POTEC: variants seen among roughly 807,000 people sequenced by gnomAD.
The protein encoded by POTEC is POTE ankyrin domain family member C, also known as ANKRD26-like family B member 2.
Under a neutral mutation model 62.0 loss-of-function variants are expected in POTEC, and 35 were observed. That is an observed-to-expected ratio of 0.56 (90% confidence interval 0.43 to 0.75). The LOEUF is 0.75. Among genes scored for constraint, POTEC ranks in the 30% least tolerant of loss-of-function variants. The pLI is 0.00. For synonymous variants in POTEC, 156 were observed against 221.5 expected (o/e 0.70, Z 2.62); for missense variants, 472 against 655.9 (o/e 0.72, Z 3.06).
intron 9 of POTEC, among the ~76,000 whole-genome samples, chr18:14,517,087 A>AT (rs961545162): frequency 4.7e-5 from 7 of 148,868 alleles, no homozygotes; most frequent in Non-Finnish European, 4.4e-5. Context: ...AGAAATATGT[A>AT]TTTTTTTAAA....
Position 14,530,471 on chromosome 18 carries a change from C to A in POTEC, c.1126+12G>T. 6.2e-7 allele frequency: 1 copy of A among 1,602,622 alleles called. No homozygotes were observed. The highest frequency in any genetic ancestry group is 8.5e-7 in the Non-Finnish European group (1 of 1,173,628). On this transcript the variant is annotated intron_variant, in intron 6 of 10. Transcript: ENST00000358970. ...CAACTGACCTAAAGTAATTCATTAT[C>A]ACAAGTCTTACCTGGATTGCTGTTT...
rs1598480254 is a variant in POTEC at position 14,530,426 on chromosome 18, G to A, written c.1126+57C>T. 5 of 1,598,486 alleles carry A rather than the reference G, an allele frequency of 3.1e-6. 1 individual carries two copies. The stretch of plus-strand genomic sequence containing the variant: ...ACTGTCTTCCACAAAACTGGTCCCT[G>A]CTGCCAAAAACATTGTGGACAACTG... On this transcript the variant is annotated intron_variant, in intron 6 of 10. Transcript: ENST00000358970.
In POTEC at chr18:14,542,487, C is replaced by T; in HGVS notation, c.521+139G>A. On this transcript the variant is annotated intron_variant, in intron 1 of 10. Coordinates refer to ENST00000358970, the MANE Select transcript of POTEC (RefSeq NM_001137671.2). ...GTTTATAAAGGGACCTGGGCCCTGA[C>T]CTCTCTGAGGTTTCCACACCCAGGG... The T allele has an allele frequency of 2.9e-6, 4 of 1,365,348 alleles. No individual in the cohort carries two copies. The South Asian group carries it at 5.5e-5, about 19-fold the overall frequency. 84.6% of individuals were successfully genotyped at this position (1,365,348 alleles called of 1,614,324 possible).
At chr18:14,524,015 T>C (rs887804473) in intron 7 of POTEC, among the ~76,000 whole-genome samples, 9 of 152,144 alleles carry the variant, frequency 5.9e-5, no homozygotes, top group Non-Finnish European at 7.4e-5. Flanking sequence ...TATTAGGAGC[T>C]GAAATCAACA....
At chr18:14,526,021 T>C (rs1037622954) in intron 6 of POTEC, among the ~76,000 whole-genome samples, 8 of 152,028 alleles carry the variant, frequency 5.3e-5, no homozygotes, top group African/African-American at 1.9e-4. Context: ...CCTGTCTCAT[T>C]CTCCTGAGAA....
At chr18:14,533,706 C>A (rs1367288205) in intron 4 of POTEC, among the ~76,000 whole-genome samples, 1 of 152,174 alleles carries the variant, frequency 6.6e-6, no homozygotes, top group African/African-American at 2.4e-5. Context: ...CCACATGTAT[C>A]TTTCTTGCTT....
intron 6 of POTEC, chr18:14,528,834 G>A: frequency 2.4e-6 from 1 of 414,060 alleles, no homozygotes; most frequent in African/African-American, 2.1e-5. Flanking sequence ...CCTTAGCTAA[G>A]TATTCACCTT....
intron 1 of POTEC, among the ~76,000 whole-genome samples, chr18:14,542,393 C>A (rs1010003083): frequency 2.6e-5 from 4 of 152,092 alleles, no homozygotes; most frequent in Non-Finnish European, 5.9e-5. Flanking sequence ...CACTTTAAAA[C>A]CGTCTATTAG....
In POTEC at chr18:14,507,555, T is replaced by C. The variant is rs1909878705; in HGVS notation, c.*4343A>G. The stretch of plus-strand genomic sequence containing the variant: ...CCAGCTTGCCCCCTGTGTCTTTCAA[T>C]TGGAGCATTTAGCCCATTTCCATTT... On this transcript the variant is annotated 3_prime_UTR_variant, in exon 11 of 11. Coordinates refer to ENST00000358970, the MANE Select transcript of POTEC (RefSeq NM_001137671.2). 1 of 152,102 alleles carries C rather than the reference T, an allele frequency of 6.6e-6. No homozygotes were observed. The highest frequency in any genetic ancestry group is 6.5e-5 in the Admixed American group (1 of 15,278). The allele number at this position is 152,102 out of a possible 1,614,324, so 9.4% of individuals were successfully genotyped here. A position where few individuals can be genotyped will look rare whatever the true frequency, so the allele number is the denominator to read the frequency against.
At chr18:14,519,187 T>A (rs1460901102) in intron 9 of POTEC, among the ~76,000 whole-genome samples, 1 of 152,178 alleles carries the variant, frequency 6.6e-6, no homozygotes, top group Admixed American at 6.5e-5. Context: ...GACACCAAGA[T>A]TTTTGGCAGA....
chr18:14,530,368 A>C, intron 6 of POTEC, 115 bp downstream of exon 6: 1 of 1,493,440 alleles, frequency 6.7e-7, no homozygotes, highest in East Asian at 2.4e-5. Context: ...ATAATCCTGA[A>C]ACCATCCCCA....
chr18:14,538,181 C>T lies in POTEC; in HGVS notation c.590G>A (p.Cys197Tyr). The change falls in exon 2 of 11, where the codon TGT becomes TAT. Residue 197 changes from cysteine (C) to tyrosine (Y), a missense_variant. By Grantham distance (194) the Cys-to-Tyr change is radical. This residue lies in a region of POTEC where 13 missense variants were observed against 38.4 expected (regional missense o/e 0.34). Coordinates refer to ENST00000358970, the MANE Select transcript of POTEC (RefSeq NM_001137671.2). ...TTTGTTGTCAAGGACATTAAGTTGACATCGTCTGTCCAGCAGGAGTTGTAC... is the reference window on the plus strand; with the variant it reads ...TTTGTTGTCAAGGACATTAAGTTGATATCGTCTGTCCAGCAGGAGTTGTAC... ...EVVQLLLDRR[C>Y]QLNVLDNKKR... is the part of the protein sequence containing the mutation. The T allele has an allele frequency of 6.2e-7, 1 of 1,611,342 alleles. No homozygotes were observed. The highest frequency in any genetic ancestry group is 1.1e-5 in the South Asian group (1 of 90,930).
intron 5 of POTEC, 127 bp from the exon 6 acceptor site, chr18:14,530,680 A>C (rs1905480654): frequency 1.1e-6 from 1 of 923,062 alleles, no homozygotes; most frequent in Non-Finnish European, 1.5e-6. Flanking sequence ...GTATTATCCC[A>C]TACACTTATG....
chr18:14,534,704 TAA>T (rs1234347979), intron 4 of POTEC, among the ~76,000 whole-genome samples, 195 bp downstream of exon 4: 5 of 150,156 alleles, frequency 3.3e-5, no homozygotes, highest in East Asian at 2.0e-4. Context: ...GTCAATATAA[TAA>T]GAGAAGATGA....
chr18:14,508,794 A>C lies in POTEC; in HGVS notation c.*3104T>G, dbSNP rs1415753599. 6.6e-6 allele frequency: 1 copy of C among 152,588 alleles called. No homozygotes were observed. The highest frequency in any genetic ancestry group is 1.5e-5 in the Non-Finnish European group (1 of 68,072). 9.5% of individuals were successfully genotyped at this position (152,588 alleles called of 1,614,324 possible). A position where few individuals can be genotyped will look rare whatever the true frequency, so the allele number is the denominator to read the frequency against. On this transcript the variant is annotated 3_prime_UTR_variant, in exon 11 of 11. Transcript: ENST00000358970. ...TTGATGCAGTCATTTGGAGAAAAGA[A>C]GGTATGCTGAATTTTTGAGTTTTCA...
rs749779216 is a variant in POTEC, at chr18:14,537,834, G to C, written c.777C>G (p.Leu259=). 41 of 1,611,856 alleles carry C rather than the reference G, an allele frequency of 2.5e-5. No individual in the cohort carries two copies. Among genetic ancestry groups the C allele is most frequent in the Non-Finnish European group, 3.3e-5 (39 of 1,179,626 alleles). The change falls in exon 3 of 11, where the codon CTC becomes CTG. Residue 259 remains leucine, a synonymous_variant. Transcript: ENST00000358970. The stretch of plus-strand genomic sequence containing the variant: ...TTGATTCAATATCAGCACCATATAA[G>C]AGCAGTGCTTTGGCCATTAATTTAT... ...NEDKLMAKAL[L]LYGADIESKN...
At chr18:14,521,168 A>G (rs1910297979) in intron 9 of POTEC, among the ~76,000 whole-genome samples, 1 of 152,154 alleles carries the variant, frequency 6.6e-6, no homozygotes, top group African/African-American at 2.4e-5. Context: ...TTCAGATTGA[A>G]GGTCCAATAT....
At chr18:14,520,076 A>T (rs1364279054) in intron 9 of POTEC, among the ~76,000 whole-genome samples, 1 of 152,194 alleles carries the variant, frequency 6.6e-6, no homozygotes, top group Non-Finnish European at 1.5e-5. Flanking sequence ...TGAAAAAAAA[A>T]TTTGAGTTCG....
chr18:14,520,429 TG>T (rs1291063117), intron 9 of POTEC, among the ~76,000 whole-genome samples: 1 of 151,972 alleles, frequency 6.6e-6, no homozygotes, highest in Non-Finnish European at 1.5e-5. Flanking sequence ...ACTTCTTGCT[TG>T]ATAAAAATCA....
Sources: allele counts gnomAD v4.1 joint callset (sites outside exome capture counted in the v4.1 genomes callset), GRCh38; gene constraint gnomAD v4.1.1; regional missense constraint gnomAD v4.1.1; transcripts MANE v1.5; gene names NCBI Gene and HGNC (gene_info 2026-07-23, HGNC 2026-07-21).